The following ACADM variants were observed in gnomAD, a reference collection of about 807,000 sequenced individuals.
ACADM encodes the protein medium-chain specific acyl-CoA dehydrogenase, mitochondrial.
Under a neutral mutation model 58.9 loss-of-function variants are expected in ACADM, and 49 were observed. The ratio of observed to expected loss-of-function variants is 0.83; its 90% CI spans 0.66 to 1.06. ACADM has a LOEUF of 1.06. Ranked by LOEUF, ACADM falls within the 50% of genes least tolerant of loss-of-function variation. ACADM has a pLI of 0.00. For synonymous variants in ACADM, 160 were observed against 157.7 expected, an observed-to-expected ratio of 1.01 and a Z score of -0.11; for missense variants, 496 against 507.0, an observed-to-expected ratio of 0.98 and a Z score of 0.21.
chr1:75,750,402 G>A (rs1648133637), intron 9 of ACADM, 49 bp from the exon 10 acceptor site: 2 of 1,438,358 alleles, frequency 1.4e-6, no homozygotes, highest in Non-Finnish European at 1.9e-6. Context: ...GATATTGTGT[G>A]TTTTAAAGAT....
intron 10 of ACADM, among the ~76,000 whole-genome samples, chr1:75,756,640 G>A (rs1174081386): frequency 2.6e-5 from 4 of 152,136 alleles, no homozygotes; most frequent in African/African-American, 4.8e-5. Flanking sequence ...TATTGCCCAA[G>A]GTAATTTATA....
chr1:75,754,811 C>T (rs1648406914), intron 10 of ACADM: 1 of 152,280 alleles, frequency 6.6e-6, no homozygotes, highest in South Asian at 2.1e-4. Flanking sequence ...CAGGGCAGGT[C>T]ATCACCTCAC....
intron 7 of ACADM, chr1:75,745,604 TA>T (rs1220244885): frequency 3.4e-6 from 2 of 590,416 alleles, no homozygotes; most frequent in East Asian, 5.9e-5. Flanking sequence ...CCTACTGTGT[TA>T]TTAAGACATA....
intron 4 of ACADM, 190 bp from the exon 5 acceptor site, chr1:75,733,338 T>A: frequency 1.9e-6 from 2 of 1,067,070 alleles, no homozygotes; most frequent in Non-Finnish European, 2.6e-6. Flanking sequence ...AAAATAATTT[T>A]TTGAAAATTT....
chr1:75,728,493 A>G lies in ACADM; in HGVS notation c.118+5A>G, dbSNP rs1647090908. 2 of 1,602,992 alleles carry G rather than the reference A, an allele frequency of 1.2e-6. No homozygotes were observed. Among genetic ancestry groups the G allele is most frequent in the East Asian group, 2.2e-5 (1 of 44,706 alleles). On this transcript the variant is annotated splice_donor_5th_base_variant and intron_variant, in intron 2 of 11. Coordinates refer to ENST00000370841, the MANE Select transcript of ACADM (RefSeq NM_000016.6). Reference sequence around the variant, plus strand: ...CAGGATTAGGATTTAGTTTTGGTATATGTTCGGTTCTATCTTTTGACTTTA... The same window carrying G: ...CAGGATTAGGATTTAGTTTTGGTATGTGTTCGGTTCTATCTTTTGACTTTA...
chr1:75,734,951 A>G (rs917314853), intron 6 of ACADM, 80 bp downstream of exon 6: 4 of 1,013,782 alleles, frequency 3.9e-6, no homozygotes, highest in Admixed American at 3.9e-5. Flanking sequence ...GTCTATATGT[A>G]TATATTGGGA....
At chr1:75,743,972 C>T in intron 7 of ACADM, 1 of 1,555,814 alleles carries the variant, frequency 6.4e-7, no homozygotes, top group South Asian at 1.1e-5. Context: ...TTCAAAAAAG[C>T]CTCTTTGTGC....
chr1:75,751,184 A>G (rs1002473373), intron 10 of ACADM, among the ~76,000 whole-genome samples: 4 of 151,226 alleles, frequency 2.6e-5, no homozygotes, highest in Non-Finnish European at 5.9e-5. Flanking sequence ...TACTAAAAAT[A>G]CAAAAATTAG....
At chr1:75,760,656 A>C (rs1484769295) in intron 10 of ACADM, among the ~76,000 whole-genome samples, 1 of 151,744 alleles carries the variant, frequency 6.6e-6, no homozygotes, top group Non-Finnish European at 1.5e-5. Flanking sequence ...AAGACGTAAA[A>C]GATAAGGAAG....
At chr1:75,753,691 A>C (rs1648329452) in intron 10 of ACADM, among the ~76,000 whole-genome samples, 1 of 151,254 alleles carries the variant, frequency 6.6e-6, no homozygotes, top group Non-Finnish European at 1.5e-5. Context: ...ATATTGAAAA[A>C]TCTTAGTTTT....
intron 6 of ACADM, among the ~76,000 whole-genome samples, chr1:75,738,817 G>T (rs7516477): frequency 6.6e-6 from 1 of 151,596 alleles, no homozygotes; most frequent in African/African-American, 2.4e-5. Context: ...CCACAGTACC[G>T]GCCACTCTTG....
At chr1:75,727,850 C>T (rs1647080003) in intron 1 of ACADM, among the ~76,000 whole-genome samples, 1 of 152,118 alleles carries the variant, frequency 6.6e-6, no homozygotes, top group African/African-American at 2.4e-5. Context: ...GTAAGAATCC[C>T]TGTAGACAGC....
At chr1:75,732,534 A>G (rs1238074234) in intron 2 of ACADM, 110 bp from the exon 3 acceptor site, 1 of 892,688 alleles carries the variant, frequency 1.1e-6, no homozygotes, top group Non-Finnish European at 1.9e-6. Flanking sequence ...TGAGTTTCTG[A>G]TAATCAAGGA....
chr1:75,748,440 A>G (rs953188393), intron 8 of ACADM, among the ~76,000 whole-genome samples: 3 of 152,224 alleles, frequency 2.0e-5, no homozygotes, highest in African/African-American at 7.2e-5. Flanking sequence ...ACAAATGTTT[A>G]TTGTAATTTT....
rs142795930 is a variant in ACADM at position 75,728,328 on chromosome 1, T to C, written c.31-73T>C. The C allele has an allele frequency of 0.025, 31,886 of 1,257,478 alleles. 559 individuals are homozygous for C. Among genetic ancestry groups the C allele is most frequent in the Middle Eastern group, 0.035 (157 of 4,528 alleles). 77.9% of individuals were successfully genotyped at this position (1,257,478 alleles called of 1,614,324 possible). ...TCAAACCAGTTGCTGTACTCACTTA[T>C]GATTATCAGTAGTCTCTTATCTGAT... On this transcript the variant is annotated intron_variant, in intron 1 of 11. Transcript: ENST00000370841.
chr1:75,731,136 G>A (rs545694073), intron 2 of ACADM, among the ~76,000 whole-genome samples: 1 of 151,852 alleles, frequency 6.6e-6, no homozygotes, highest in East Asian at 1.9e-4. Context: ...AAAATTAGCC[G>A]GGCGCGGTGG....
At chr1:75,762,640 A>G (rs936503633) in intron 11 of ACADM, 52 bp from the exon 12 acceptor site, 13 of 1,142,626 alleles carry the variant, frequency 1.1e-5, no homozygotes, top group Non-Finnish European at 1.6e-5. Context: ...TGAATAAATC[A>G]AAGTATTTAT....
At chr1:75,727,640 T>C (rs544806985) in intron 1 of ACADM, among the ~76,000 whole-genome samples, 17 of 152,346 alleles carry the variant, frequency 1.1e-4, no homozygotes, top group African/African-American at 3.1e-4. Flanking sequence ...AATATGACTA[T>C]ATTTCAGATC....
intron 6 of ACADM, among the ~76,000 whole-genome samples, chr1:75,736,657 G>A (rs986424924): frequency 6.6e-6 from 1 of 152,168 alleles, no homozygotes; most frequent in Non-Finnish European, 1.5e-5. Context: ...CTTTGTATCT[G>A]TGGGTTTTGC....
Sources: allele counts gnomAD v4.1 joint callset (sites outside exome capture counted in the v4.1 genomes callset), GRCh38; gene constraint gnomAD v4.1.1; transcripts MANE v1.5; gene names NCBI Gene and HGNC (gene_info 2026-07-23, HGNC 2026-07-21).